Variants in OPCML observed in about 807,000 individuals in gnomAD.
OPCML encodes the protein opioid-binding protein/cell adhesion molecule.
Under a neutral mutation model 37.8 loss-of-function variants are expected in OPCML, and 13 were observed. That is an observed-to-expected ratio of 0.34 (90% CI 0.22 to 0.55). OPCML has a LOEUF of 0.55. Among genes scored for constraint, OPCML ranks in the 20% least tolerant of loss-of-function variants. OPCML has a pLI of 0.91. For missense variants in OPCML, 341 were observed against 435.6 expected (o/e 0.78, Z 1.93); for synonymous variants, 176 against 168.8 (o/e 1.04, Z -0.33).
intron 1 of OPCML, among the ~76,000 whole-genome samples, chr11:133,145,446 C>G (rs1408649342): frequency 2.6e-5 from 4 of 152,006 alleles, no homozygotes; most frequent in Non-Finnish European, 5.9e-5. Context: ...GGTCAGCAAG[C>G]AAATTAGGCA....
chr11:133,471,750 G>T (rs1035450063), intron 1 of OPCML, among the ~76,000 whole-genome samples: 1 of 152,190 alleles, frequency 6.6e-6, no homozygotes, highest in African/African-American at 2.4e-5. Context: ...GCTCATGACA[G>T]GGTCTAAAAT....
rs749320174 is a variant in OPCML, at chr11:133,153,793, G to GC, written c.62-210784dup. On this transcript the variant is annotated intron_variant, in intron 1 of 7. Coordinates refer to ENST00000524381, the MANE Select transcript of OPCML (RefSeq NM_001012393.5). ...CTTACAAGGTGCTATAGAATAGACT[G>GC]CCCCCTGGGAAACGTGCTTCTCAGA... Among the ~76,000 whole-genome samples, 248 of 151,984 alleles carry GC rather than the reference G, an allele frequency of 1.6e-3. 1 individual carries two copies. The highest frequency in any genetic ancestry group is 2.9e-3 in the Non-Finnish European group (198 of 67,986).
chr11:132,517,058 C>T (rs1285538503), intron 4 of OPCML, among the ~76,000 whole-genome samples: 2 of 152,114 alleles, frequency 1.3e-5, no homozygotes, highest in Non-Finnish European at 2.9e-5. Flanking sequence ...CTGGTTAGGC[C>T]CCAGTCACCT....
At chr11:133,315,890 G>A (rs1340029528) in intron 1 of OPCML, among the ~76,000 whole-genome samples, 4 of 152,176 alleles carry the variant, frequency 2.6e-5, no homozygotes, top group East Asian at 1.9e-4. Flanking sequence ...GAACTAATTC[G>A]ACAAATGTTG....
chr11:132,478,843 C>A (rs931355498), intron 4 of OPCML, among the ~76,000 whole-genome samples: 2 of 152,164 alleles, frequency 1.3e-5, no homozygotes, highest in Non-Finnish European at 2.9e-5. Context: ...AGTGAAGAAG[C>A]AAAACGTATG....
chr11:132,474,762 AG>A (rs1416951968), intron 4 of OPCML, among the ~76,000 whole-genome samples: 1 of 152,128 alleles, frequency 6.6e-6, no homozygotes, highest in African/African-American at 2.4e-5. Flanking sequence ...ACCCTGAACC[AG>A]CATATGTTAT....
intron 1 of OPCML, among the ~76,000 whole-genome samples, chr11:133,381,215 A>C (rs1234620525): frequency 1.3e-5 from 2 of 152,212 alleles, no homozygotes; most frequent in Non-Finnish European, 2.9e-5. Flanking sequence ...GCAGTGATGC[A>C]AAAGAGAGGG....
intron 2 of OPCML, among the ~76,000 whole-genome samples, chr11:132,757,584 C>A (rs1251441983): frequency 2.0e-5 from 3 of 152,160 alleles, no homozygotes; most frequent in Non-Finnish European, 4.4e-5. Context: ...TGTTTTTTAG[C>A]CGCATAAATG....
chr11:133,462,604 G>A (rs1414060240), intron 1 of OPCML, among the ~76,000 whole-genome samples: 1 of 152,080 alleles, frequency 6.6e-6, no homozygotes, highest in Non-Finnish European at 1.5e-5. Context: ...AACTATTGGA[G>A]AAATGCAAAT....
chr11:132,733,657 TG>T (rs1169925585), intron 2 of OPCML, among the ~76,000 whole-genome samples: 1 of 152,216 alleles, frequency 6.6e-6, no homozygotes, highest in Non-Finnish European at 1.5e-5. Flanking sequence ...TTTCTTCACC[TG>T]AGCTCAGTAA....
chr11:133,389,740 G>A (rs540049069), intron 1 of OPCML, among the ~76,000 whole-genome samples: 5 of 152,266 alleles, frequency 3.3e-5, no homozygotes, highest in Non-Finnish European at 7.4e-5. Flanking sequence ...TCTTTGAAAT[G>A]GTCTTCTGTG....
chr11:133,342,966 A>C (rs1229862468), intron 1 of OPCML, among the ~76,000 whole-genome samples: 1 of 152,194 alleles, frequency 6.6e-6, no homozygotes, highest in Non-Finnish European at 1.5e-5. Flanking sequence ...GCAGTGGCAC[A>C]ATCATAGCTC....
chr11:132,415,785 G>T lies in OPCML; in HGVS notation c.*4408C>A, dbSNP rs2095936642. 6.6e-6 allele frequency: 1 copy of T among 152,502 alleles called. No individual in the cohort carries two copies. The highest frequency in any genetic ancestry group is 1.5e-5 in the Non-Finnish European group (1 of 67,994). 9.4% of individuals were successfully genotyped at this position (152,502 alleles called of 1,614,324 possible). A position where few individuals can be genotyped will look rare whatever the true frequency, so the allele number is the denominator to read the frequency against. On this transcript the variant is annotated 3_prime_UTR_variant, in exon 8 of 8. Transcript: ENST00000524381. ...GAACTGGCTCAGCCCTATCTTTTTT[G>T]CCACATCTTTAATTACAAATCTATT...
intron 2 of OPCML, among the ~76,000 whole-genome samples, chr11:132,739,548 T>C (rs1187657225): frequency 6.6e-6 from 1 of 152,170 alleles, no homozygotes; most frequent in Admixed American, 6.5e-5. Context: ...TGCAGAAAAT[T>C]TCATGGGTGG....
intron 3 of OPCML, among the ~76,000 whole-genome samples, chr11:132,572,796 G>C (rs184151844): frequency 0.01 from 1,538 of 152,076 alleles, 7 homozygotes; most frequent in Non-Finnish European, 0.018. Flanking sequence ...AAAAGTCTCT[G>C]ATATTTTGAT....
intron 7 of OPCML, among the ~76,000 whole-genome samples, chr11:132,420,673 G>A (rs771796328): frequency 5.9e-5 from 9 of 152,134 alleles, no homozygotes; most frequent in South Asian, 2.1e-4. Flanking sequence ...ATGATGAGTC[G>A]GGGGGCACAA....
chr11:133,488,106 G>A (rs1420072086), intron 1 of OPCML, among the ~76,000 whole-genome samples: 1 of 151,914 alleles, frequency 6.6e-6, no homozygotes, highest in African/African-American at 2.4e-5. Flanking sequence ...GACATAGAAG[G>A]AACACACCTC....
intron 2 of OPCML, among the ~76,000 whole-genome samples, chr11:132,674,556 T>G (rs535630694): frequency 1.3e-5 from 2 of 152,208 alleles, no homozygotes; most frequent in South Asian, 4.2e-4. Context: ...AAACCCAAGG[T>G]GGGGTGGCAC....
intron 3 of OPCML, among the ~76,000 whole-genome samples, chr11:132,613,871 A>G (rs915692427): frequency 6.6e-6 from 1 of 152,100 alleles, no homozygotes; most frequent in Non-Finnish European, 1.5e-5. Context: ...TGAACAAAAG[A>G]GTCGTCTTTT....
Sources: allele counts gnomAD v4.1 joint callset (sites outside exome capture counted in the v4.1 genomes callset), GRCh38; gene constraint gnomAD v4.1.1; transcripts MANE v1.5; gene names NCBI Gene and HGNC (gene_info 2026-07-23, HGNC 2026-07-21).